AUTS2: variants seen among roughly 807,000 people sequenced by gnomAD.
The protein encoded by AUTS2 is activator of transcription and developmental regulator AUTS2.
In AUTS2, 17 loss-of-function variants were observed where a neutral mutation model predicts 112.4. The ratio of observed to expected loss-of-function variants is 0.15; its 90% CI spans 0.10 to 0.23. The LOEUF is 0.23. Ranked by LOEUF, AUTS2 falls within the 10% of genes least tolerant of loss-of-function variation. The probability of loss-of-function intolerance (pLI) is 1.00; values close to 1 mark genes in which losing one functional copy is unlikely to be tolerated. For missense variants in AUTS2, 1,510 were observed against 1,701.6 expected (o/e 0.89, Z 1.98); for synonymous variants, 751 against 702.7 (o/e 1.07, Z -1.09).
chr7:70,231,801 G>A (rs1014094483), intron 4 of AUTS2, among the ~76,000 whole-genome samples: 4 of 144,078 alleles, frequency 2.8e-5, no homozygotes, highest in South Asian at 2.2e-4. Flanking sequence ...TTGAGACAGA[G>A]CATTGCTCTG....
chr7:70,406,456 A>G (rs1794538163), intron 4 of AUTS2, among the ~76,000 whole-genome samples: 1 of 152,200 alleles, frequency 6.6e-6, no homozygotes. Context: ...GGAGCAGGGA[A>G]CAGAGAGCTG....
intron 4 of AUTS2, among the ~76,000 whole-genome samples, chr7:70,177,015 A>G (rs1809024482): frequency 6.6e-6 from 1 of 152,232 alleles, no homozygotes; most frequent in Non-Finnish European, 1.5e-5. Flanking sequence ...TGCCTAATCA[A>G]TGCAAAATAT....
intron 4 of AUTS2, among the ~76,000 whole-genome samples, chr7:70,355,387 G>A (rs1436640916): frequency 6.6e-6 from 1 of 152,006 alleles, no homozygotes; most frequent in African/African-American, 2.4e-5. Context: ...ACAGAAATGT[G>A]GCTGCTGTTA....
chr7:69,810,941 T>A (rs1373442770), intron 1 of AUTS2, among the ~76,000 whole-genome samples: 1 of 152,230 alleles, frequency 6.6e-6, no homozygotes, highest in Non-Finnish European at 1.5e-5. Flanking sequence ...AGCAACATTT[T>A]TGTTTACACA....
chr7:69,825,440 A>C (rs1791197273), intron 1 of AUTS2, among the ~76,000 whole-genome samples: 2 of 152,178 alleles, frequency 1.3e-5, no homozygotes, highest in South Asian at 4.2e-4. Context: ...GCACTGTCTT[A>C]ATGGAAGAAC....
chr7:70,085,128 C>T (rs1029451428), intron 2 of AUTS2, among the ~76,000 whole-genome samples: 10 of 152,156 alleles, frequency 6.6e-5, no homozygotes, highest in African/African-American at 2.4e-4. Flanking sequence ...CCTCCTGCCT[C>T]AGTCTCCCAA....
intron 5 of AUTS2, among the ~76,000 whole-genome samples, chr7:70,671,260 C>T (rs950798715): frequency 6.6e-6 from 1 of 152,170 alleles, no homozygotes; most frequent in Non-Finnish European, 1.5e-5. Flanking sequence ...CCTTATTACA[C>T]CCGCTGCCTC....
chr7:70,303,248 T>C (rs754648473), intron 4 of AUTS2, among the ~76,000 whole-genome samples: 1 of 151,962 alleles, frequency 6.6e-6, no homozygotes, highest in Non-Finnish European at 1.5e-5. Context: ...TCGGAAATAA[T>C]AGGGGGTGAC....
chr7:69,784,879 T>A (rs896617278), intron 1 of AUTS2, among the ~76,000 whole-genome samples: 5 of 152,218 alleles, frequency 3.3e-5, no homozygotes, highest in African/African-American at 1.2e-4. Flanking sequence ...ATTGTGCTAC[T>A]ATGTGCCAGG....
intron 4 of AUTS2, among the ~76,000 whole-genome samples, chr7:70,189,520 G>T (rs151150269): frequency 3.1e-4 from 47 of 152,310 alleles, no homozygotes; most frequent in Middle Eastern, 3.4e-3. Context: ...GGTGTGTTAC[G>T]TAAAGCTTGG....
chr7:69,957,957 TAC>T lies in AUTS2; in HGVS notation c.522+58463_522+58464del, dbSNP rs1797282904. On this transcript the variant is annotated intron_variant, in intron 2 of 18. Coordinates refer to ENST00000342771, the MANE Select transcript of AUTS2 (RefSeq NM_015570.4). ...CCTTCATCCTTCTGCAAGTGTAGCCTACACAAGTAAGTATATGTAACAGCCCT... is the reference window on the plus strand; with the variant it reads ...CCTTCATCCTTCTGCAAGTGTAGCCTACAAGTAAGTATATGTAACAGCCCT... 1.3e-5 allele frequency among the ~76,000 whole-genome samples: 2 copies of T among 152,142 alleles called. 1 individual carries two copies. The highest frequency in any genetic ancestry group is 4.1e-4 in the South Asian group (2 of 4,830).
Position 70,439,538 on chromosome 7 carries a change from C to CAA in AUTS2, c.690+3779_690+3780dup, listed in dbSNP as rs71077657. On this transcript the variant is annotated intron_variant, in intron 5 of 18. Transcript: ENST00000342771. ...TGGGCGACAGGGCGAGACTCCATCT[C>CAA]AAAAAAAAAAAAAAAAAAAAAAAGA... Among the ~76,000 whole-genome samples, 251 of 72,080 alleles carry CAA rather than the reference C, an allele frequency of 3.5e-3. 1 individual carries two copies. Among genetic ancestry groups the CAA allele is most frequent in the East Asian group, 6.7e-3 (13 of 1,930 alleles). 47.3% of individuals were successfully genotyped at this position (72,080 alleles called of 152,430 possible).
intron 2 of AUTS2, among the ~76,000 whole-genome samples, chr7:69,964,438 A>G (rs1797554126): frequency 6.6e-6 from 1 of 152,194 alleles, no homozygotes; most frequent in African/African-American, 2.4e-5. Flanking sequence ...ACTCATTAAA[A>G]AGCATTACTA....
chr7:70,241,380 G>A (rs1053650947), intron 4 of AUTS2, among the ~76,000 whole-genome samples: 6 of 152,142 alleles, frequency 3.9e-5, no homozygotes, highest in Non-Finnish European at 7.3e-5. Flanking sequence ...TATCTAAGAG[G>A]AGTCAATATA....
rs1790770110 is a variant in AUTS2 at position 70,777,305 on chromosome 7, C to G, written c.2004+131C>G. 3 of 837,602 alleles carry G rather than the reference C, an allele frequency of 3.6e-6. No individual in the cohort carries two copies. The South Asian group carries it at 4.6e-5, about 13-fold the overall frequency. The allele number at this position is 837,602 out of a possible 1,614,324, so 51.9% of individuals were successfully genotyped here. The stretch of plus-strand genomic sequence containing the variant: ...CCCATAGTTAGGAAGGATCAAGCCT[C>G]TCTTGGAAAAGCTACTCAGAAGTCT... On this transcript the variant is annotated intron_variant, in intron 14 of 18. Coordinates refer to ENST00000342771, the MANE Select transcript of AUTS2 (RefSeq NM_015570.4).
intron 1 of AUTS2, among the ~76,000 whole-genome samples, chr7:69,638,742 G>C (rs543960216): frequency 3.3e-5 from 5 of 152,104 alleles, no homozygotes; most frequent in Non-Finnish European, 7.4e-5. Flanking sequence ...ACATTGAATT[G>C]ACTTCTTATC....
chr7:70,669,418 C>G (rs554349324), intron 5 of AUTS2, among the ~76,000 whole-genome samples: 30 of 152,302 alleles, frequency 2.0e-4, no homozygotes, highest in African/African-American at 6.7e-4. Context: ...CAGAGGGACA[C>G]AAGGGTTCAG....
At position 69,810,765 on chromosome 7, in the gene AUTS2, C is replaced by T. The variant is rs1049342075; in HGVS notation, c.310-88521C>T. Among the ~76,000 whole-genome samples the T allele has an allele frequency of 4.6e-5, 7 of 152,132 alleles. No individual in the cohort carries two copies. The East Asian group carries it at 5.8e-4, about 13-fold the overall frequency. Reference sequence around the variant, plus strand: ...GATTCGGAAGAAACTGACATTCTGACGTTGAGTAAGTCACTGCTTTGCGCC... The same window carrying T: ...GATTCGGAAGAAACTGACATTCTGATGTTGAGTAAGTCACTGCTTTGCGCC... On this transcript the variant is annotated intron_variant, in intron 1 of 18. Coordinates refer to ENST00000342771, the MANE Select transcript of AUTS2 (RefSeq NM_015570.4).
intron 4 of AUTS2, among the ~76,000 whole-genome samples, chr7:70,409,205 G>A (rs1794672050): frequency 6.6e-6 from 1 of 152,142 alleles, no homozygotes; most frequent in Non-Finnish European, 1.5e-5. Context: ...CTATCACTCT[G>A]GATGTACCCC....
Sources: gnomAD v4.1 joint callset for allele counts (sites outside exome capture counted in the v4.1 genomes callset) on GRCh38, gnomAD v4.1.1 for gene constraint, MANE v1.5 for transcripts, NCBI Gene and HGNC (gene_info 2026-07-23, HGNC 2026-07-21) for gene names.